The following PCDHGB2 variants were observed in gnomAD, a reference collection of about 807,000 sequenced individuals.
The protein encoded by PCDHGB2 is protocadherin gamma subfamily B, 2, also known as protocadherin gamma-B2.
PCDHGB2 carries 55 observed loss-of-function variants against 59.3 expected under a neutral mutation model. The ratio of observed to expected loss-of-function variants is 0.93; its 90% CI spans 0.75 to 1.16. The LOEUF (loss-of-function observed/expected upper bound fraction) is 1.16, where lower values mean the gene tolerates loss of function less well. Ranked by LOEUF, PCDHGB2 falls within the 50% of genes most tolerant of loss-of-function variation. The pLI is 0.00. For missense variants in PCDHGB2, 1,228 were observed against 1,198.5 expected, an observed-to-expected ratio of 1.02 and a Z score of -0.36; for synonymous variants, 516 against 512.0, an observed-to-expected ratio of 1.01 and a Z score of -0.11.
chr5:141,498,616 G>T (rs1202866176), intron 2 of PCDHGB2, among the ~76,000 whole-genome samples: 1 of 152,138 alleles, frequency 6.6e-6, no homozygotes, highest in East Asian at 1.9e-4. Flanking sequence ...AGTCAGCACT[G>T]GGTCACACTG....
chr5:141,381,093 A>T (rs1776980252), intron 1 of PCDHGB2, among the ~76,000 whole-genome samples: 1 of 152,266 alleles, frequency 6.6e-6, no homozygotes, highest in Admixed American at 6.5e-5. Flanking sequence ...AGATCAAAAC[A>T]GAATGTCCTT....
intron 1 of PCDHGB2, chr5:141,413,182 G>A (rs752788034): frequency 6.2e-7 from 1 of 1,604,164 alleles, no homozygotes; most frequent in Non-Finnish European, 8.5e-7. Context: ...TACAATGGCC[G>A]CTCAAAGGAA....
rs762979829 is a variant in PCDHGB2, at chr5:141,432,863, T to A, written c.2422-61944T>A. 1 of 1,614,074 alleles carries A rather than the reference T, an allele frequency of 6.2e-7. No individual in the cohort carries two copies. Among genetic ancestry groups the A allele is most frequent in the East Asian group, 2.2e-5 (1 of 44,886 alleles). On this transcript the variant is annotated intron_variant, in intron 1 of 3. Coordinates refer to ENST00000522605, the MANE Select transcript of PCDHGB2 (RefSeq NM_018923.3). The surrounding 1 kb of genome is among the most constrained non-coding windows in gnomAD (Gnocchi z 6.0). ...GGTGGTAGCGGTGGCCGCGGTCTCCTGCGTCTTCCTGGCCTTCGTCATCTT... is the reference window on the plus strand; with the variant it reads ...GGTGGTAGCGGTGGCCGCGGTCTCCAGCGTCTTCCTGGCCTTCGTCATCTT...
intron 1 of PCDHGB2, chr5:141,383,853 G>C (rs942698942): frequency 1.2e-6 from 2 of 1,613,948 alleles, no homozygotes; most frequent in Middle Eastern, 3.3e-4. Flanking sequence ...ATGAAATGGA[G>C]GTTCAGGCTC....
intron 1 of PCDHGB2, among the ~76,000 whole-genome samples, chr5:141,438,591 CAT>C (rs946798767): frequency 2.9e-3 from 219 of 75,538 alleles, no homozygotes; most frequent in Middle Eastern, 0.016. Context: ...TACATACATA[CAT>C]ATATATATAT....
At position 141,486,135 on chromosome 5, in the gene PCDHGB2, G is replaced by A. The variant is rs145871538; in HGVS notation, c.2422-8672G>A. ...GAGAATTACTATGAATTTGATGTGC[G>A]GGCTCGCGATGGGGGTTCTCCAGCC... On this transcript the variant is annotated intron_variant, in intron 1 of 3. Transcript: ENST00000522605. This position sits in a 1 kb window ranked among gnomAD's most constrained non-coding sequence, Gnocchi z 5.0. The A allele has an allele frequency of 1.9e-6, 3 of 1,614,168 alleles. No homozygotes were observed. Among genetic ancestry groups the A allele is most frequent in the Non-Finnish European group, 2.5e-6 (3 of 1,180,022 alleles).
chr5:141,365,680 C>A (rs1281360154), intron 1 of PCDHGB2: 1 of 1,613,514 alleles, frequency 6.2e-7, no homozygotes, highest in South Asian at 1.1e-5. Flanking sequence ...ACAACCCACC[C>A]AATTTCCCTC....
intron 1 of PCDHGB2, chr5:141,426,194 T>C (rs1482565872): frequency 6.4e-6 from 1 of 155,380 alleles, no homozygotes; most frequent in Non-Finnish European, 1.4e-5. Context: ...ACTGGGAGCA[T>C]TGAGTTTTCT....
At chr5:141,422,929 C>A (rs752323344) in intron 1 of PCDHGB2, 8 of 1,614,260 alleles carry the variant, frequency 5.0e-6, no homozygotes, top group Middle Eastern at 3.3e-4. Flanking sequence ...GTACCCTGCC[C>A]TCCCCACAGA....
Position 141,476,364 on chromosome 5 carries a change from C to T in PCDHGB2, c.2422-18443C>T, listed in dbSNP as rs1462808655. The T allele has an allele frequency of 6.2e-7, 1 of 1,614,036 alleles. No homozygotes were observed. The highest frequency in any genetic ancestry group is 8.5e-7 in the Non-Finnish European group (1 of 1,180,026). Reference sequence around the variant, plus strand: ...AGATTCTTTGAGGTGAACCGGGAGACCGGAGAGATGTTTGTGAACGACCGT... The same window carrying T: ...AGATTCTTTGAGGTGAACCGGGAGATCGGAGAGATGTTTGTGAACGACCGT... On this transcript the variant is annotated intron_variant, in intron 1 of 3. Coordinates refer to ENST00000522605, the MANE Select transcript of PCDHGB2 (RefSeq NM_018923.3). This position sits in a 1 kb window ranked among gnomAD's most constrained non-coding sequence, Gnocchi z 7.6.
intron 1 of PCDHGB2, chr5:141,423,835 C>T (rs1371309974): frequency 1.2e-5 from 15 of 1,278,290 alleles, no homozygotes; most frequent in African/African-American, 9.4e-5. Flanking sequence ...CATGAGATTA[C>T]GATAATCTTT....
intron 1 of PCDHGB2, chr5:141,430,966 A>G: frequency 1.2e-6 from 2 of 1,612,916 alleles, no homozygotes. Context: ...TCATCCCCAG[A>G]GGTAGGACGC....
chr5:141,461,506 AT>A (rs1406680307), intron 1 of PCDHGB2, among the ~76,000 whole-genome samples: 2 of 151,524 alleles, frequency 1.3e-5, no homozygotes, highest in Non-Finnish European at 1.5e-5. Context: ...TTTCTTGGTG[AT>A]TTGTTAGTTC....
At chr5:141,456,148 C>G (rs1408257938) in intron 1 of PCDHGB2, among the ~76,000 whole-genome samples, 1 of 152,080 alleles carries the variant, frequency 6.6e-6, no homozygotes, top group African/African-American at 2.4e-5. Flanking sequence ...CCGCCCGCCT[C>G]GGCCTCCTAA....
intron 1 of PCDHGB2, chr5:141,418,934 G>T (rs1163951447): frequency 6.2e-7 from 1 of 1,614,056 alleles, no homozygotes; most frequent in African/African-American, 1.3e-5. Context: ...GATTATGGAG[G>T]ATTCCCCTCC....
At chr5:141,443,088 T>G (rs188899890) in intron 1 of PCDHGB2, among the ~76,000 whole-genome samples, 1 of 151,974 alleles carries the variant, frequency 6.6e-6, no homozygotes, top group African/African-American at 2.4e-5. Context: ...TGTTCCAGTC[T>G]CCTTCTCAAG....
intron 1 of PCDHGB2, chr5:141,388,796 A>G: frequency 6.2e-7 from 1 of 1,613,952 alleles, no homozygotes; most frequent in Non-Finnish European, 8.5e-7. Flanking sequence ...TTTTAAATAC[A>G]TTAGATTTTG....
At position 141,362,128 on chromosome 5, in the gene PCDHGB2, G is replaced by T. The variant is rs1359609195; in HGVS notation, c.1993G>T (p.Ala665Ser). Residue 665 changes from alanine to serine, a missense_variant, in exon 1 of 4, where the codon GCG becomes TCG. Physicochemically the swap from Ala to Ser is moderately conservative, Grantham distance 99. This residue lies in a region of PCDHGB2 where 433 missense variants were observed against 441.8 expected (regional missense o/e 0.98). Transcript: ENST00000522605. Reference sequence around the variant, plus strand: ...TACGGCCACGCTGCACCTAATCTTCGCGGATAGCCTGCAAGAGGTATTGCC... The same window carrying T: ...TACGGCCACGCTGCACCTAATCTTCTCGGATAGCCTGCAAGAGGTATTGCC... Reference protein sequence around the residue: ...SATATLHLIFADSLQEVLPDL... With the variant: ...SATATLHLIFSDSLQEVLPDL... 1.2e-6 allele frequency: 2 copies of T among 1,613,900 alleles called. No individual in the cohort carries two copies. Among genetic ancestry groups the T allele is most frequent in the Admixed American group, 3.3e-5 (2 of 60,018 alleles).
rs750774158 is a variant in PCDHGB2 at position 141,389,140 on chromosome 5, C to A, written c.2421+26584C>A. 3.1e-6 allele frequency: 5 copies of A among 1,613,878 alleles called. No homozygotes were observed. In the Admixed American group the frequency reaches 8.3e-5, roughly 27 times the overall value. On this transcript the variant is annotated intron_variant, in intron 1 of 3. Coordinates refer to ENST00000522605, the MANE Select transcript of PCDHGB2 (RefSeq NM_018923.3). ...GAGCAGAATCCAGAGTACAATATAA[C>A]CGTTACGGCAACAGATCGGGGCAAG...
Sources: allele counts gnomAD v4.1 joint callset (sites outside exome capture counted in the v4.1 genomes callset), GRCh38; gene constraint gnomAD v4.1.1; regional missense constraint gnomAD v4.1.1; non-coding constraint Gnocchi (gnomAD v3.1); transcripts MANE v1.5; gene names NCBI Gene and HGNC (gene_info 2026-07-23, HGNC 2026-07-21).